Variants in KCND3 observed in about 807,000 individuals in gnomAD.
The protein encoded by KCND3 is potassium voltage-gated channel subfamily D member 3, also known as A-type voltage-gated potassium channel KCND3.
A neutral mutation model predicts 51.1 loss-of-function variants in KCND3; 9 were observed. That is an observed-to-expected ratio of 0.18 (90% confidence interval 0.11 to 0.31). The LOEUF (loss-of-function observed/expected upper bound fraction) is 0.31, where lower values mean the gene tolerates loss of function less well. Among genes scored for constraint, KCND3 ranks in the 10% least tolerant of loss-of-function variants. The pLI, the probability that KCND3 is intolerant of heterozygous loss-of-function variation, is 1.00. For synonymous variants in KCND3, 349 were observed against 368.0 expected, an observed-to-expected ratio of 0.95 and a Z score of 0.59; for missense variants, 526 against 903.8, an observed-to-expected ratio of 0.58 and a Z score of 5.36.
At chr1:111,942,232 A>G (rs895844121) in intron 2 of KCND3, among the ~76,000 whole-genome samples, 2 of 152,228 alleles carry the variant, frequency 1.3e-5, no homozygotes, top group African/African-American at 4.8e-5. Flanking sequence ...ATACTTATGG[A>G]GTATCTGCAA....
chr1:111,882,967 T>G (rs1488212710), intron 2 of KCND3, among the ~76,000 whole-genome samples: 1 of 152,222 alleles, frequency 6.6e-6, no homozygotes, highest in Non-Finnish European at 1.5e-5. Context: ...CTTGTCTTCC[T>G]ACTTCCAGGC....
chr1:111,805,909 T>C (rs1008808018), intron 2 of KCND3, among the ~76,000 whole-genome samples: 4 of 152,194 alleles, frequency 2.6e-5, no homozygotes, highest in African/African-American at 7.2e-5. Context: ...GGTTACTTTC[T>C]GGTGGCAGGA....
chr1:111,966,409 C>A (rs1263070529), intron 2 of KCND3, among the ~76,000 whole-genome samples: 1 of 152,130 alleles, frequency 6.6e-6, no homozygotes, highest in Non-Finnish European at 1.5e-5. Flanking sequence ...AGGAAACCAG[C>A]CACTAGTGGA....
At chr1:111,803,092 G>C (rs764324265) in intron 2 of KCND3, among the ~76,000 whole-genome samples, 2 of 152,156 alleles carry the variant, frequency 1.3e-5, no homozygotes, top group Non-Finnish European at 2.9e-5. Flanking sequence ...GGGCCCCTTC[G>C]GCCTCTATCT....
At chr1:111,804,407 T>G (rs913437208) in intron 2 of KCND3, among the ~76,000 whole-genome samples, 4 of 152,260 alleles carry the variant, frequency 2.6e-5, no homozygotes, top group Non-Finnish European at 1.5e-5. Context: ...ATTTTATGTT[T>G]GCTCTGAACC....
intron 2 of KCND3, among the ~76,000 whole-genome samples, chr1:111,868,992 G>C (rs150454656): frequency 6.6e-6 from 1 of 152,228 alleles, no homozygotes; most frequent in African/African-American, 2.4e-5. Flanking sequence ...CATACAAATA[G>C]TAAGTGATGA....
chr1:111,808,654 C>A (rs781179476), intron 2 of KCND3, among the ~76,000 whole-genome samples: 1 of 152,192 alleles, frequency 6.6e-6, no homozygotes, highest in African/African-American at 2.4e-5. Context: ...CCCTCTCAGG[C>A]CTTGCTCTCC....
intron 2 of KCND3, among the ~76,000 whole-genome samples, chr1:111,975,759 C>T (rs1040237374): frequency 1.3e-5 from 2 of 152,230 alleles, no homozygotes; most frequent in African/African-American, 2.4e-5. Flanking sequence ...CTGTCTCCTG[C>T]TCTTGCAGCT....
At position 111,960,785 on chromosome 1, in the gene KCND3, G is replaced by T. The variant is rs142081574; in HGVS notation, c.1106+20836C>A. 1.7e-4 allele frequency among the ~76,000 whole-genome samples: 26 copies of T among 152,356 alleles called. No individual in the cohort carries two copies. In the East Asian group the frequency reaches 3.9e-3, roughly 23 times the overall value. On this transcript the variant is annotated intron_variant, in intron 2 of 7. Coordinates refer to ENST00000302127, the MANE Select transcript of KCND3 (RefSeq NM_001378969.1). ...ATGGGAATGAGCTTAAGTCCTCAGG[G>T]ATGAGGGGAGAGAACAGAACAAGCT... is the stretch of plus-strand genomic sequence containing the variant.
intron 2 of KCND3, among the ~76,000 whole-genome samples, chr1:111,821,869 T>C (rs931139767): frequency 2.0e-5 from 3 of 152,058 alleles, no homozygotes; most frequent in Non-Finnish European, 4.4e-5. Context: ...TGAGGGTGTG[T>C]GTGTGTGCTG....
chr1:111,771,827 T>C lies in KCND3; in HGVS notation c.*4250A>G, dbSNP rs1044694790. 6.6e-6 allele frequency: 1 copy of C among 152,180 alleles called. No individual in the cohort carries two copies. Among genetic ancestry groups the C allele is most frequent in the African/African-American group, 2.4e-5 (1 of 41,448 alleles). The allele number at this position is 152,180 out of a possible 1,614,324, so 9.4% of individuals were successfully genotyped here. ...GTCACTGAGAATATCTATTGGTCTT[T>C]TGAAAGGGAGTCTATGCAGTTAGTC... On this transcript the variant is annotated 3_prime_UTR_variant, in exon 8 of 8. Coordinates refer to ENST00000302127, the MANE Select transcript of KCND3 (RefSeq NM_001378969.1).
At position 111,899,015 on chromosome 1, in the gene KCND3, C is replaced by T. The variant is rs1425471209; in HGVS notation, c.1106+82606G>A. Among the ~76,000 whole-genome samples the T allele has an allele frequency of 9.9e-5, 15 of 152,176 alleles. 1 individual carries two copies. Among genetic ancestry groups the T allele is most frequent in the Admixed American group, 9.8e-4 (15 of 15,276 alleles). ...CAGGAACAGGGTGGCATAATCCTAT[C>T]CCATCCTCCTACTAGCTGTGGCAGG... On this transcript the variant is annotated intron_variant, in intron 2 of 7. Transcript: ENST00000302127.
intron 2 of KCND3, among the ~76,000 whole-genome samples, chr1:111,956,298 T>C (rs888913028): frequency 3.9e-5 from 6 of 152,066 alleles, no homozygotes; most frequent in Non-Finnish European, 7.4e-5. Context: ...TTGGATGACT[T>C]TGTGAGGGCA....
chr1:111,985,258 A>T (rs191305439), intron 1 of KCND3, among the ~76,000 whole-genome samples: 6 of 152,326 alleles, frequency 3.9e-5, no homozygotes, highest in Admixed American at 3.9e-4. Context: ...GCGTCTCAAG[A>T]GATCCCACCG....
In KCND3 at chr1:111,819,948, G is replaced by A. The variant is rs568123562; in HGVS notation, c.1107-32842C>T. Among the ~76,000 whole-genome samples, 191 of 152,262 alleles carry A rather than the reference G, an allele frequency of 1.3e-3. 1 individual carries two copies. Among genetic ancestry groups the A allele is most frequent in the African/African-American group, 4.5e-3 (189 of 41,548 alleles). On this transcript the variant is annotated intron_variant, in intron 2 of 7. Transcript: ENST00000302127. ...GGGCTTCAGGCCCTGATCCCTCCCTGCCCCGGAGGTTGCAGAATTCCCTGA... is the reference window on the plus strand; with the variant it reads ...GGGCTTCAGGCCCTGATCCCTCCCTACCCCGGAGGTTGCAGAATTCCCTGA...
intron 2 of KCND3, among the ~76,000 whole-genome samples, chr1:111,911,127 T>C (rs921164993): frequency 6.6e-6 from 1 of 152,210 alleles, no homozygotes; most frequent in South Asian, 2.1e-4. Flanking sequence ...CTGACTAAGA[T>C]GGGTTCCTAC....
intron 2 of KCND3, among the ~76,000 whole-genome samples, chr1:111,842,643 C>T (rs17028773): frequency 0.024 from 3,609 of 152,306 alleles, 116 homozygotes; most frequent in East Asian, 0.13. Flanking sequence ...AATGCTGTGG[C>T]TCTGCCAGCG....
intron 2 of KCND3, among the ~76,000 whole-genome samples, chr1:111,934,746 G>A (rs9429424): frequency 0.23 from 35,603 of 152,052 alleles, 4,380 homozygotes; most frequent in East Asian, 0.34. Context: ...CACAGCTTCT[G>A]GAGTCTGGGT....
chr1:111,795,134 G>A (rs1339645007), intron 2 of KCND3, among the ~76,000 whole-genome samples: 3 of 152,178 alleles, frequency 2.0e-5, no homozygotes, highest in African/African-American at 7.2e-5. Flanking sequence ...CAAGGTGGGA[G>A]ACTTGGGAAA....
Sources: allele counts gnomAD v4.1 joint callset (sites outside exome capture counted in the v4.1 genomes callset), GRCh38; gene constraint gnomAD v4.1.1; transcripts MANE v1.5; gene names NCBI Gene and HGNC (gene_info 2026-07-23, HGNC 2026-07-21).